The following MUCL1 variants were observed in gnomAD, a reference collection of about 807,000 sequenced individuals.
MUCL1 encodes the protein mucin-like protein 1.
MUCL1 carries 11 observed loss-of-function variants against 9.2 expected under a neutral mutation model. The ratio of observed to expected loss-of-function variants is 1.19; its 90% CI spans 0.75 to 1.97. The LOEUF is 1.97. Ranked by LOEUF, MUCL1 falls within the 30% of genes most tolerant of loss-of-function variation. MUCL1 has a pLI of 0.00. For synonymous variants in MUCL1, 48 were observed against 40.5 expected, an observed-to-expected ratio of 1.19 and a Z score of -0.71; for missense variants, 144 against 110.9, an observed-to-expected ratio of 1.30 and a Z score of -1.34.
chr12:54,840,625 G>A (rs111916607), intron 1 of MUCL1, among the ~76,000 whole-genome samples: 132 of 152,340 alleles, frequency 8.7e-4, no homozygotes, highest in African/African-American at 3.1e-3. Context: ...GCAGGTGGAG[G>A]GGAAAAGCCA....
chr12:54,851,775 C>A (rs1316923566), upstream of MUCL1, among the ~76,000 whole-genome samples: 14 of 152,022 alleles, frequency 9.2e-5, no homozygotes, highest in South Asian at 2.1e-4. Context: ...GTCTCAGCCC[C>A]AAATCTCCTT....
At chr12:54,844,665 C>T (rs147701459) in intron 1 of MUCL1, among the ~76,000 whole-genome samples, 2 of 152,148 alleles carry the variant, frequency 1.3e-5, no homozygotes, top group South Asian at 2.1e-4. Context: ...TTCTCCCAGC[C>T]GTTAATAACA....
intron 1 of MUCL1, among the ~76,000 whole-genome samples, chr12:54,841,201 A>G (rs1959209804): frequency 6.6e-6 from 1 of 152,190 alleles, no homozygotes; most frequent in Non-Finnish European, 1.5e-5. Context: ...ACATACATGT[A>G]TATGTAGTTA....
At chr12:54,848,658 T>C (rs185018380) in intron 1 of MUCL1, among the ~76,000 whole-genome samples, 83 of 152,236 alleles carry the variant, frequency 5.5e-4, no homozygotes, top group African/African-American at 1.9e-3. Context: ...GAAGAGGAAA[T>C]TCAAGTTGTC....
chr12:54,841,249 C>T (rs917917100), intron 1 of MUCL1, among the ~76,000 whole-genome samples: 4 of 152,042 alleles, frequency 2.6e-5, no homozygotes, highest in Admixed American at 6.5e-5. Context: ...ATTTATTAAC[C>T]GACACTTAGA....
chr12:54,839,400 C>T (rs939201434), exon 1 of MUCL1: 8 of 701,796 alleles, frequency 1.1e-5, no homozygotes, highest in Non-Finnish European at 2.1e-5. Flanking sequence ...AGGCTTCTGG[C>T]CAGTATGGGA....
intron 3 of MUCL1, 97 bp from the exon 4 acceptor site, chr12:54,858,096 A>G (rs1008439958): frequency 4.9e-6 from 7 of 1,416,760 alleles, no homozygotes; most frequent in Middle Eastern, 3.5e-4. Context: ...AGTTTAGTTG[A>G]CATTTGACAC....
chr12:54,838,021 T>C (rs1387374568), upstream of MUCL1, among the ~76,000 whole-genome samples: 1 of 152,234 alleles, frequency 6.6e-6, no homozygotes, highest in Non-Finnish European at 1.5e-5. Flanking sequence ...TATTGTTTTA[T>C]AGGCTCTGTG....
intron 1 of MUCL1, among the ~76,000 whole-genome samples, chr12:54,832,639 G>A (rs920631605): frequency 1.3e-5 from 2 of 151,932 alleles, no homozygotes; most frequent in Non-Finnish European, 1.5e-5. Context: ...TCTAACAATC[G>A]GATGCTTTAT....
At chr12:54,833,933 G>A (rs574833495) in intron 1 of MUCL1, among the ~76,000 whole-genome samples, 30 of 151,368 alleles carry the variant, frequency 2.0e-4, no homozygotes, top group Non-Finnish European at 2.9e-4. Flanking sequence ...TAACAAACCC[G>A]CACATTGTGC....
rs534066612 is a variant in MUCL1 at position 54,856,865 on chromosome 12, T to C, written c.196T>C (p.Ser66Pro). 1.2e-6 allele frequency: 2 copies of C among 1,613,114 alleles called. No homozygotes were observed. The highest frequency in any genetic ancestry group is 1.3e-5 in the African/African-American group (1 of 74,846). ...TCCTACCACTGCAACCACCGCTGCT[T>C]CTACCACTGCTCGTAAAGACATTCC... ...AAPTTATTAA[S>P]TTARKDIPVL... The change falls in exon 3 of 4, where the codon TCT becomes CCT. Residue 66 changes from serine (S) to proline (P), a missense_variant. By Grantham distance (74) the Ser-to-Pro change is moderately conservative. Coordinates refer to ENST00000308796, the MANE Select transcript of MUCL1 (RefSeq NM_058173.3).
At chr12:54,835,713 T>C (rs1332487722), upstream of MUCL1, among the ~76,000 whole-genome samples, 1 of 152,118 alleles carries the variant, frequency 6.6e-6, no homozygotes, top group Non-Finnish European at 1.5e-5. Flanking sequence ...GACTGTGGAT[T>C]TGTCATATAT....
At chr12:54,845,434 G>C (rs1267703278) in intron 1 of MUCL1, among the ~76,000 whole-genome samples, 1 of 152,116 alleles carries the variant, frequency 6.6e-6, no homozygotes, top group Non-Finnish European at 1.5e-5. Flanking sequence ...AATGCAACAA[G>C]ATGTGATCTG....
At chr12:54,853,101 C>T (rs992838088), upstream of MUCL1, among the ~76,000 whole-genome samples, 3 of 152,140 alleles carry the variant, frequency 2.0e-5, no homozygotes, top group African/African-American at 7.2e-5. Context: ...TGTTATCAGA[C>T]AGACTCTCCA....
At chr12:54,855,737 G>A (rs1868293746) in intron 2 of MUCL1, among the ~76,000 whole-genome samples, 1 of 152,224 alleles carries the variant, frequency 6.6e-6, no homozygotes, top group Non-Finnish European at 1.5e-5. Context: ...TTCTCCCAAA[G>A]TGTTCTTCAC....
upstream of MUCL1, among the ~76,000 whole-genome samples, chr12:54,851,254 T>C (rs893706721): frequency 3.3e-5 from 5 of 152,202 alleles, no homozygotes; most frequent in African/African-American, 1.2e-4. Flanking sequence ...TCCTGAATGG[T>C]ATTGCCTAGG....
chr12:54,834,598 A>AT (rs1463501033), upstream of MUCL1, among the ~76,000 whole-genome samples: 16 of 152,172 alleles, frequency 1.1e-4, no homozygotes, highest in East Asian at 1.7e-3. Context: ...CATAGTTACT[A>AT]TTTTTTGTGG....
chr12:54,836,008 T>A (rs1049817849), upstream of MUCL1, among the ~76,000 whole-genome samples: 11 of 152,338 alleles, frequency 7.2e-5, no homozygotes, highest in African/African-American at 2.6e-4. Flanking sequence ...GACTTTTGCA[T>A]CTGTGTTCAT....
intron 1 of MUCL1, among the ~76,000 whole-genome samples, chr12:54,834,144 AT>A (rs1443413802): frequency 1.3e-5 from 2 of 152,174 alleles, no homozygotes; most frequent in East Asian, 3.9e-4. Flanking sequence ...TATAAGACAT[AT>A]TTGCGTGAAC....
Sources: gnomAD v4.1 joint callset for allele counts (sites outside exome capture counted in the v4.1 genomes callset) on GRCh38, gnomAD v4.1.1 for gene constraint, MANE v1.5 for transcripts, NCBI Gene and HGNC (gene_info 2026-07-23, HGNC 2026-07-21) for gene names.